Variants in HSP90AA1 observed in about 807,000 individuals in gnomAD.
The protein encoded by HSP90AA1 is heat shock protein HSP 90-alpha.
HSP90AA1 carries 18 observed loss-of-function variants against 73.3 expected under a neutral mutation model. That is an observed-to-expected ratio of 0.25 (90% CI 0.17 to 0.36). The LOEUF (loss-of-function observed/expected upper bound fraction) is 0.36. Ranked by LOEUF, HSP90AA1 falls within the 10% of genes least tolerant of loss-of-function variation. The pLI, the probability that HSP90AA1 is intolerant of heterozygous loss-of-function variation, is 1.00. For synonymous variants in HSP90AA1, 477 were observed against 296.9 expected, an observed-to-expected ratio of 1.61 and a Z score of -6.24; for missense variants, 704 against 874.2, an observed-to-expected ratio of 0.81 and a Z score of 2.45.
intron 2 of HSP90AA1, among the ~76,000 whole-genome samples, chr14:102,101,040 G>A (rs1292953568): frequency 1.3e-5 from 2 of 152,140 alleles, no homozygotes; most frequent in African/African-American, 2.4e-5. Context: ...GGACACAGCC[G>A]GCTGGGGGCT....
rs1297928989 is a variant in HSP90AA1, at chr14:102,086,967, C to T, written c.-1+19G>A. 1.0e-6 allele frequency: 1 copy of T among 984,632 alleles called. No homozygotes were observed. The highest frequency in any genetic ancestry group is 1.2e-6 in the Non-Finnish European group (1 of 829,600). 61.0% of individuals were successfully genotyped at this position (984,632 alleles called of 1,614,324 possible). A position where few individuals can be genotyped will look rare whatever the true frequency, so the allele number is the denominator to read the frequency against. On this transcript the variant is annotated intron_variant, in intron 1 of 10. Transcript: ENST00000216281. ...CGGTCCCCAGTCCACCTCCACAGGC[C>T]CCCACAACCACCCGTCACCTTGGCT...
chr14:102,113,759 G>A (rs1010763241), intron 1 of HSP90AA1, among the ~76,000 whole-genome samples: 1 of 151,594 alleles, frequency 6.6e-6, no homozygotes, highest in East Asian at 1.9e-4. Flanking sequence ...CGCCCAGGCT[G>A]GAGTACAGTG....
intron 1 of HSP90AA1, among the ~76,000 whole-genome samples, chr14:102,127,306 A>C (rs192919529): frequency 6.6e-5 from 10 of 152,312 alleles, no homozygotes; most frequent in African/African-American, 2.4e-4. Context: ...TTTACTTCTT[A>C]CTGGAGGAGC....
At chr14:102,090,234 G>A (rs1291367709), upstream of HSP90AA1, among the ~76,000 whole-genome samples, 1 of 152,098 alleles carries the variant, frequency 6.6e-6, no homozygotes, top group Non-Finnish European at 1.5e-5. Flanking sequence ...ATTTTTAATG[G>A]ATCTTCTGCT....
intron 2 of HSP90AA1, among the ~76,000 whole-genome samples, chr14:102,099,228 A>G (rs976083274): frequency 1.3e-5 from 2 of 152,266 alleles, no homozygotes; most frequent in African/African-American, 4.8e-5. Context: ...CTGCTTATAA[A>G]TTGAAAACCT....
intron 1 of HSP90AA1, among the ~76,000 whole-genome samples, chr14:102,105,161 C>G (rs185513865): frequency 7.4e-6 from 1 of 135,534 alleles, no homozygotes; most frequent in African/African-American, 2.8e-5. Context: ...TGAGTGAGAA[C>G]GTGCCACTGC....
chr14:102,119,945 C>T (rs1380596253), intron 1 of HSP90AA1, among the ~76,000 whole-genome samples: 1 of 152,084 alleles, frequency 6.6e-6, no homozygotes, highest in Non-Finnish European at 1.5e-5. Flanking sequence ...AAAAGCTTTC[C>T]TGAAGTTTCC....
intron 2 of HSP90AA1, among the ~76,000 whole-genome samples, chr14:102,097,755 C>A (rs2049443909): frequency 6.6e-6 from 1 of 152,204 alleles, no homozygotes; most frequent in African/African-American, 2.4e-5. Context: ...GATCACCTGG[C>A]TGTCAGGAAT....
chr14:102,132,882 C>T (rs1317387483), intron 1 of HSP90AA1, among the ~76,000 whole-genome samples: 4 of 151,964 alleles, frequency 2.6e-5, no homozygotes, highest in African/African-American at 9.7e-5. Flanking sequence ...ATTGGTTGAA[C>T]CCGGGAGGTG....
chr14:102,081,908 G>A lies in HSP90AA1; in HGVS notation c.2090-87C>T, dbSNP rs2049108957. ...ACTCTTGGTTTCTATCTGCTTTCAA[G>A]ACAGTATTACAGGACATATGAGTCT... is the stretch of plus-strand genomic sequence containing the variant. On this transcript the variant is annotated intron_variant, in intron 10 of 10. Transcript: ENST00000216281. 3 of 816,392 alleles carry A rather than the reference G, an allele frequency of 3.7e-6. No individual in the cohort carries two copies. The Admixed American group carries it at 5.2e-5, about 14-fold the overall frequency. 50.6% of individuals were successfully genotyped at this position (816,392 alleles called of 1,614,324 possible).
intron 1 of HSP90AA1, among the ~76,000 whole-genome samples, chr14:102,138,643 T>C (rs2152630287): frequency 6.6e-6 from 1 of 152,342 alleles, no homozygotes; most frequent in East Asian, 1.9e-4. Context: ...CCTCCTACTT[T>C]AGAAATTCTC....
In HSP90AA1 at chr14:102,083,874, T is replaced by C. The variant is rs143611681; in HGVS notation, c.1257A>G (p.Lys419=). ...CCAGTTCAGTAAAGAGTTCTAAGCA[T>C]TTTTTGACCAAATTCTTCCTGATAA... ...LKVIRKNLVK[K]CLELFTELAE... Residue 419 remains lysine (K), a synonymous_variant, in exon 7 of 11, where the codon AAA becomes AAG. Transcript: ENST00000216281. 8.1e-6 allele frequency: 13 copies of C among 1,613,866 alleles called. No individual in the cohort carries two copies. In the African/African-American group the frequency reaches 1.7e-4, roughly 22 times the overall value.
chr14:102,083,014 G>T lies in HSP90AA1; in HGVS notation c.1755+20C>A. 1 of 1,609,488 alleles carries T rather than the reference G, an allele frequency of 6.2e-7. No homozygotes were observed. Among genetic ancestry groups the T allele is most frequent in the Admixed American group, 1.7e-5 (1 of 60,008 alleles). ...GCACCTTAGAAGTATCAATGATCAGGAAATGCTGTATTCACATACCTTTTC... is the reference window on the plus strand; with the variant it reads ...GCACCTTAGAAGTATCAATGATCAGTAAATGCTGTATTCACATACCTTTTC... On this transcript the variant is annotated intron_variant, in intron 9 of 10. Transcript: ENST00000216281.
chr14:102,112,299 A>G (rs2049651866), intron 1 of HSP90AA1, among the ~76,000 whole-genome samples: 1 of 152,088 alleles, frequency 6.6e-6, no homozygotes, highest in South Asian at 2.1e-4. Context: ...CAGCCTCCTG[A>G]GCAGCTGGGA....
intron 1 of HSP90AA1, among the ~76,000 whole-genome samples, chr14:102,135,597 A>T (rs1009877824): frequency 3.9e-5 from 6 of 152,194 alleles, no homozygotes; most frequent in African/African-American, 1.4e-4. Flanking sequence ...GCCGCACAGG[A>T]ACCAATGGAG....
In HSP90AA1 at chr14:102,083,633, T is replaced by C. The variant is rs2049148333; in HGVS notation, c.1399A>G (p.Thr467Ala). ...KKLSELLRYYTSASGDEMVSL... is the reference protein window; with the variant it reads ...KKLSELLRYYASASGDEMVSL... ...ACCATCTCATCACCAGAGGCAGATG[T>C]GTAGTACCTTAACAGCTCTGAAAGC... Residue 467 changes from threonine to alanine, a missense_variant, in exon 8 of 11, where the codon ACA becomes GCA. Transcript: ENST00000216281. 4.3e-6 allele frequency: 7 copies of C among 1,612,962 alleles called. No individual in the cohort carries two copies. The highest frequency in any genetic ancestry group is 1.3e-5 in the African/African-American group (1 of 74,930).
Position 102,083,612 on chromosome 14 carries a change from T to C in HSP90AA1, c.1420A>G (p.Met474Val). ...GTGCAGTAGTCCTTGAGAGAAACCA[T>C]CTCATCACCAGAGGCAGATGTGTAG... ...RYYTSASGDEMVSLKDYCTRM... is the reference protein window; with the variant it reads ...RYYTSASGDEVVSLKDYCTRM... Residue 474 changes from methionine to valine, a missense_variant, in exon 8 of 11, where the codon ATG (methionine) becomes GTG (valine). Coordinates refer to ENST00000216281, the MANE Select transcript of HSP90AA1 (RefSeq NM_005348.4). 1 of 1,613,470 alleles carries C rather than the reference T, an allele frequency of 6.2e-7. No individual in the cohort carries two copies. Among genetic ancestry groups the C allele is most frequent in the Non-Finnish European group, 8.5e-7 (1 of 1,179,530 alleles).
chr14:102,125,103 C>T (rs1312080017), intron 1 of HSP90AA1, among the ~76,000 whole-genome samples: 45 of 152,136 alleles, frequency 3.0e-4, no homozygotes, highest in Admixed American at 2.9e-3. Context: ...GCGATCCTCC[C>T]ATCTCAGCCT....
intron 1 of HSP90AA1, among the ~76,000 whole-genome samples, chr14:102,108,407 A>T (rs2049597462): frequency 2.0e-5 from 3 of 151,770 alleles, no homozygotes; most frequent in African/African-American, 7.3e-5. Flanking sequence ...TTTTTTTAAA[A>T]ATTGTTTTAT....
Sources: gnomAD v4.1 joint callset for allele counts (sites outside exome capture counted in the v4.1 genomes callset) on GRCh38, gnomAD v4.1.1 for gene constraint, MANE v1.5 for transcripts, NCBI Gene and HGNC (gene_info 2026-07-23, HGNC 2026-07-21) for gene names.